PLXNA4: variants seen among roughly 807,000 people sequenced by gnomAD.
PLXNA4 encodes plexin A4.
A neutral mutation model predicts 191.8 loss-of-function variants in PLXNA4; 44 were observed. The observed-to-expected ratio is 0.23, with a 90% CI of 0.18 to 0.29. The LOEUF is 0.29. Ranked by LOEUF, PLXNA4 falls within the 10% of genes least tolerant of loss-of-function variation. The pLI, the probability that PLXNA4 is intolerant of heterozygous loss-of-function variation, is 1.00. For synonymous variants in PLXNA4, 1,082 were observed against 1,009.5 expected (o/e 1.07, Z -1.36); for missense variants, 1,800 against 2,488.8 (o/e 0.72, Z 5.89).
chr7:132,179,023 G>GGC (rs10530198), intron 20 of PLXNA4, among the ~76,000 whole-genome samples: 5 of 58,984 alleles, frequency 8.5e-5, no homozygotes, highest in East Asian at 5.9e-4. Flanking sequence ...CACATATACA[G>GGC]GCGCGCGCGC....
At chr7:132,193,990 G>C in intron 14 of PLXNA4, 72 bp downstream of exon 14, 1 of 1,554,324 alleles carries the variant, frequency 6.4e-7, no homozygotes, top group Non-Finnish European at 8.8e-7. Flanking sequence ...CAGAGCTCTA[G>C]AGGGGCCCAG....
At chr7:132,647,111 A>G (rs917690316) in intron 1 of PLXNA4, among the ~76,000 whole-genome samples, 2 of 152,206 alleles carry the variant, frequency 1.3e-5, no homozygotes, top group Non-Finnish European at 2.9e-5. Context: ...ATATACACGC[A>G]TATACACTCA....
At chr7:132,598,703 A>T (rs1231544318) in intron 2 of PLXNA4, among the ~76,000 whole-genome samples, 1 of 150,462 alleles carries the variant, frequency 6.6e-6, no homozygotes, top group Non-Finnish European at 1.5e-5. Context: ...TTTTAGACAC[A>T]GTAAACTATC....
intron 4 of PLXNA4, among the ~76,000 whole-genome samples, chr7:132,278,213 AT>A: frequency 6.6e-6 from 1 of 152,254 alleles, no homozygotes; most frequent in East Asian, 1.9e-4. Context: ...GAATCTCAGA[AT>A]TTTCTCCAGT....
chr7:132,445,228 C>A (rs1405760013), intron 3 of PLXNA4, among the ~76,000 whole-genome samples: 1 of 151,450 alleles, frequency 6.6e-6, no homozygotes, highest in Non-Finnish European at 1.5e-5. Flanking sequence ...CACATCCACC[C>A]TTCCATGTGT....
chr7:132,378,847 C>CTTTT (rs11375919), intron 3 of PLXNA4, among the ~76,000 whole-genome samples: 7 of 119,048 alleles, frequency 5.9e-5, no homozygotes, highest in African/African-American at 2.3e-4. Context: ...GGCACTGGAT[C>CTTTT]TTTTTTTTTT....
chr7:132,478,207 C>T (rs1161066454), intron 3 of PLXNA4, among the ~76,000 whole-genome samples: 1 of 152,242 alleles, frequency 6.6e-6, no homozygotes, highest in Non-Finnish European at 1.5e-5. Flanking sequence ...CTAAGAAAGA[C>T]TCATTCTCTA....
chr7:132,167,992 T>C (rs750622950), intron 22 of PLXNA4, among the ~76,000 whole-genome samples: 15 of 152,142 alleles, frequency 9.9e-5, no homozygotes, highest in Non-Finnish European at 1.6e-4. Context: ...CCTCTGAAGA[T>C]TCCATGAGAG....
At chr7:132,341,983 C>T (rs1803046912) in intron 3 of PLXNA4, among the ~76,000 whole-genome samples, 1 of 151,664 alleles carries the variant, frequency 6.6e-6, no homozygotes, top group African/African-American at 2.4e-5. Flanking sequence ...TGGGTGACAC[C>T]ACTGCCCCAT....
intron 1 of PLXNA4, among the ~76,000 whole-genome samples, chr7:132,573,418 G>A (rs567351599): frequency 1.3e-5 from 2 of 152,270 alleles, no homozygotes; most frequent in Admixed American, 6.5e-5. Context: ...GATCCACAGC[G>A]ATTTCTCTGC....
intron 20 of PLXNA4, among the ~76,000 whole-genome samples, 140 bp downstream of exon 20, chr7:132,179,533 AGACACACACACCGC>A (rs1796632521): frequency 6.7e-6 from 1 of 148,994 alleles, no homozygotes; most frequent in African/African-American, 2.5e-5. Context: ...ACATTCGCAC[AGACACACACACCGC>A]CAGCCTCCAG....
chr7:132,182,003 G>T, intron 17 of PLXNA4, 94 bp downstream of exon 17: 1 of 1,585,324 alleles, frequency 6.3e-7, no homozygotes, highest in Non-Finnish European at 8.6e-7. Context: ...GTATGGGCAG[G>T]GAGTTACCTC....
intron 3 of PLXNA4, among the ~76,000 whole-genome samples, chr7:132,349,918 C>T (rs1803414120): frequency 6.6e-6 from 1 of 151,870 alleles, no homozygotes; most frequent in Admixed American, 6.6e-5. Context: ...ATTGATGGCT[C>T]AGGAGTAAAT....
rs569045735 is a variant in PLXNA4, at chr7:132,442,584, T to G, written c.1371+46708A>C. Among the ~76,000 whole-genome samples the G allele has an allele frequency of 3.3e-3, 500 of 152,300 alleles. 4 individuals carry two copies. The highest frequency in any genetic ancestry group is 0.012 in the African/African-American group (483 of 41,552). On this transcript the variant is annotated intron_variant, in intron 3 of 31. Transcript: ENST00000321063. ...TCTTTCTGTTCTTTTTCTTTTTTCT[T>G]TTGCTGACCTTTGTCCTCCCAAATG...
At chr7:132,258,354 C>A (rs1799505312) in intron 4 of PLXNA4, among the ~76,000 whole-genome samples, 1 of 152,246 alleles carries the variant, frequency 6.6e-6, no homozygotes. Flanking sequence ...CCCTTTTCTT[C>A]TTCCTGCTTT....
chr7:132,301,622 C>A (rs534929404), intron 3 of PLXNA4, among the ~76,000 whole-genome samples: 1 of 152,156 alleles, frequency 6.6e-6, no homozygotes, highest in Non-Finnish European at 1.5e-5. Flanking sequence ...ACACTGAATC[C>A]GGCACTATTG....
chr7:132,638,053 CT>C (rs112520446), intron 2 of PLXNA4, among the ~76,000 whole-genome samples: 2,063 of 152,354 alleles, frequency 0.014, 71 homozygotes, highest in African/African-American at 0.047. Flanking sequence ...TTCCTGACAG[CT>C]TTTGACCAGG....
intron 1 of PLXNA4, among the ~76,000 whole-genome samples, chr7:132,558,167 C>T (rs1417553939): frequency 6.6e-6 from 1 of 152,222 alleles, no homozygotes; most frequent in East Asian, 1.9e-4. Flanking sequence ...CCAGACCTGG[C>T]ATGTGGCTAA....
chr7:132,262,531 A>C (rs1212074942), intron 4 of PLXNA4, among the ~76,000 whole-genome samples: 1 of 152,108 alleles, frequency 6.6e-6, no homozygotes, highest in African/African-American at 2.4e-5. Flanking sequence ...TGCAGGTAGG[A>C]AAGAGTTGGT....
Sources: gnomAD v4.1 joint callset for allele counts (sites outside exome capture counted in the v4.1 genomes callset) on GRCh38, gnomAD v4.1.1 for gene constraint, MANE v1.5 for transcripts, NCBI Gene and HGNC (gene_info 2026-07-23, HGNC 2026-07-21) for gene names.